Variants in RPL22 observed in about 807,000 individuals in gnomAD.
RPL22 encodes ribosomal protein L22.
A neutral mutation model predicts 16.2 loss-of-function variants in RPL22; 4 were observed. The ratio of observed to expected loss-of-function variants is 0.25; its 90% CI spans 0.12 to 0.57. The LOEUF (loss-of-function observed/expected upper bound fraction) is 0.57, where lower values mean the gene tolerates loss of function less well. Ranked by LOEUF, RPL22 falls within the 20% of genes least tolerant of loss-of-function variation. RPL22 has a pLI of 0.92. For synonymous variants in RPL22, 43 were observed against 54.8 expected, an observed-to-expected ratio of 0.78 and a Z score of 0.95; for missense variants, 83 against 156.1, an observed-to-expected ratio of 0.53 and a Z score of 2.49.
intron 3 of RPL22, among the ~76,000 whole-genome samples, chr1:6,190,883 T>C (rs1431340532): frequency 6.6e-6 from 1 of 152,202 alleles, no homozygotes; most frequent in African/African-American, 2.4e-5. Flanking sequence ...AGATTCCTTG[T>C]TCAGTGCCAA....
Position 6,186,553 on chromosome 1 carries a change from T to C in RPL22, c.*119A>G. ...TGAGTGGCGAACCAAGGGAAGCCCT[T>C]TGACTATGATTTCCAATTTTCTGTT... is the stretch of plus-strand genomic sequence containing the variant. On this transcript the variant is annotated 3_prime_UTR_variant, in exon 4 of 4. Transcript: ENST00000234875. 1.6e-6 allele frequency: 1 copy of C among 636,230 alleles called. No individual in the cohort carries two copies. The highest frequency in any genetic ancestry group is 3.0e-5 in the East Asian group (1 of 32,892). The allele number at this position is 636,230 out of a possible 1,614,324, so 39.4% of individuals were successfully genotyped here. A position where few individuals can be genotyped will look rare whatever the true frequency, so the allele number is the denominator to read the frequency against.
chr1:6,194,634 C>G (rs939014485), intron 2 of RPL22, among the ~76,000 whole-genome samples: 2 of 152,202 alleles, frequency 1.3e-5, no homozygotes, highest in Non-Finnish European at 2.9e-5. Flanking sequence ...CACCTGTAAT[C>G]CCGGCACTTT....
At chr1:6,187,633 A>C (rs1667600027) in intron 3 of RPL22, among the ~76,000 whole-genome samples, 1 of 151,908 alleles carries the variant, frequency 6.6e-6, no homozygotes, top group South Asian at 2.1e-4. Flanking sequence ...AAAACAAAAA[A>C]AAAAAACAAG....
In RPL22 at chr1:6,186,833, C is replaced by T. The variant is rs1460121780; in HGVS notation, c.243-17G>A. 1 of 1,612,760 alleles carries T rather than the reference C, an allele frequency of 6.2e-7. No homozygotes were observed. Among genetic ancestry groups the T allele is most frequent in the African/African-American group, 1.3e-5 (1 of 74,902 alleles). ...TTCAAATACCTGCAGAGAAAGGACACAAGAACTCCACTAGACAGTTGGTGC... is the reference window on the plus strand; with the variant it reads ...TTCAAATACCTGCAGAGAAAGGACATAAGAACTCCACTAGACAGTTGGTGC... On this transcript the variant is annotated splice_polypyrimidine_tract_variant and intron_variant, in intron 3 of 3. Coordinates refer to ENST00000234875, the MANE Select transcript of RPL22 (RefSeq NM_000983.4).
At position 6,192,848 on chromosome 1, in the gene RPL22, C is replaced by T. The variant is rs114389092; in HGVS notation, c.242+82G>A. The T allele has an allele frequency of 1.9e-3, 2,911 of 1,542,264 alleles. 45 individuals are homozygous for T. The African/African-American group carries it at 0.031, about 17-fold the overall frequency. On this transcript the variant is annotated intron_variant, in intron 3 of 3. Transcript: ENST00000234875. ...TAACAGATGCAAACCAATCACTCTG[C>T]GGGTGCCCCCACTCCCATGCAGGGA... is the stretch of plus-strand genomic sequence containing the variant.
intron 2 of RPL22, among the ~76,000 whole-genome samples, chr1:6,193,411 G>A (rs1315295354): frequency 6.7e-6 from 1 of 149,632 alleles, no homozygotes; most frequent in Non-Finnish European, 1.5e-5. Flanking sequence ...TGCAACCTCC[G>A]CCTCCCAGGT....
Position 6,185,474 on chromosome 1 carries a change from A to G in RPL22, c.*1198T>C. ...GCAAAGCCTCAACACGTTCAACTCA[A>G]TCCACAGAGCACCAAATGTTTAATG... On this transcript the variant is annotated 3_prime_UTR_variant, in exon 4 of 4. Transcript: ENST00000234875. 1 of 397,868 alleles carries G rather than the reference A, an allele frequency of 2.5e-6. No homozygotes were observed. The highest frequency in any genetic ancestry group is 3.6e-5 in the East Asian group (1 of 28,052). The allele number at this position is 397,868 out of a possible 1,614,324, so 24.6% of individuals were successfully genotyped here.
At chr1:6,191,953 G>A (rs148433326) in intron 3 of RPL22, among the ~76,000 whole-genome samples, 2,462 of 147,382 alleles carry the variant, frequency 0.017, 68 homozygotes, top group African/African-American at 0.058. Context: ...GAGCCAAGAT[G>A]GCGCCACTGC....
intron 3 of RPL22, among the ~76,000 whole-genome samples, chr1:6,190,447 C>T (rs1195060288): frequency 1.3e-5 from 2 of 152,174 alleles, no homozygotes; most frequent in Non-Finnish European, 2.9e-5. Context: ...ATGGTGCTAT[C>T]TTGGCTCACC....
chr1:6,199,183 GA>G, intron 1 of RPL22: 1 of 243,156 alleles, frequency 4.1e-6, no homozygotes, highest in Non-Finnish European at 7.8e-6. Flanking sequence ...GTGGACTTCC[GA>G]ATGCGCGGCT....
At chr1:6,199,445 G>T in intron 1 of RPL22, 117 bp downstream of exon 1, 3 of 1,451,086 alleles carry the variant, frequency 2.1e-6, no homozygotes, top group Non-Finnish European at 2.7e-6. Context: ...CGACCTGCCA[G>T]CCCACCCCAG....
chr1:6,198,441 C>G (rs1667748979), intron 1 of RPL22: 1 of 152,294 alleles, frequency 6.6e-6, no homozygotes, highest in African/African-American at 2.4e-5. Flanking sequence ...AAAGCACATC[C>G]TACAAGGTTC....
intron 3 of RPL22, among the ~76,000 whole-genome samples, chr1:6,191,181 A>C (rs1667645241): frequency 6.6e-6 from 1 of 150,912 alleles, no homozygotes; most frequent in Non-Finnish European, 1.5e-5. Flanking sequence ...AACATGGTGA[A>C]ACCCTGTCTC....
rs534505312 is a variant in RPL22, at chr1:6,199,257, C to T, written c.12+305G>A. 2.1e-4 allele frequency: 102 copies of T among 491,440 alleles called. 2 individuals are homozygous for T. The highest frequency in any genetic ancestry group is 2.0e-3 in the African/African-American group (98 of 50,050). 30.4% of individuals were successfully genotyped at this position (491,440 alleles called of 1,614,324 possible). ...CCACCCAGGTAATCAGGCCCCCGGC[C>T]GGGGTCCGAGGACCAGTGGCCGGCC... On this transcript the variant is annotated intron_variant, in intron 1 of 3. Transcript: ENST00000234875.
chr1:6,189,535 G>C (rs1444162439), intron 3 of RPL22, among the ~76,000 whole-genome samples: 3 of 149,980 alleles, frequency 2.0e-5, no homozygotes, highest in African/African-American at 7.4e-5. Flanking sequence ...CTCCAGCCTT[G>C]GTGACAGAGT....
rs188591504 is a variant in RPL22 at position 6,187,081 on chromosome 1, G to T, written c.243-265C>A. On this transcript the variant is annotated intron_variant, in intron 3 of 3. Transcript: ENST00000234875. ...CCAGCGCTTTGGGAGGCCAAGGCAG[G>T]CAGATCACTTGAGGTCAGGAGTTCG... Among the ~76,000 whole-genome samples, 3 of 152,280 alleles carry T rather than the reference G, an allele frequency of 2.0e-5. No homozygotes were observed. The East Asian group carries it at 5.8e-4, about 29-fold the overall frequency.
At chr1:6,187,331 T>C (rs115803895) in intron 3 of RPL22, among the ~76,000 whole-genome samples, 19,911 of 148,170 alleles carry the variant, frequency 0.13, 2,120 homozygotes, top group African/African-American at 0.3. Context: ...GAAAAAAAAC[T>C]AGGCCAGGGG....
intron 2 of RPL22, among the ~76,000 whole-genome samples, chr1:6,197,300 G>C (rs1379734869): frequency 6.6e-6 from 1 of 152,168 alleles, no homozygotes; most frequent in Non-Finnish European, 1.5e-5. Context: ...AAAGTGTTGG[G>C]ATTACGGGCG....
rs367585690 is a variant in RPL22, at chr1:6,193,057, G to C, written c.118-3C>G. 6.2e-7 allele frequency: 1 copy of C among 1,613,998 alleles called. No homozygotes were observed. Among genetic ancestry groups the C allele is most frequent in the Non-Finnish European group, 8.5e-7 (1 of 1,179,972 alleles). ...ATCCTTTCTTGCAAAAACTGCTCCT[G>C]TAGAAATCATTAAATTGACCAATGA... On this transcript the variant is annotated splice_region_variant and splice_polypyrimidine_tract_variant and intron_variant, in intron 2 of 3. Transcript: ENST00000234875.
Sources: allele counts gnomAD v4.1 joint callset (sites outside exome capture counted in the v4.1 genomes callset), GRCh38; gene constraint gnomAD v4.1.1; transcripts MANE v1.5; gene names NCBI Gene and HGNC (gene_info 2026-07-23, HGNC 2026-07-21).